The following ST13 variants were observed in gnomAD, a reference collection of about 807,000 sequenced individuals.
ST13 encodes the protein ST13 Hsp70 interacting protein, also known as hsc70-interacting protein.
Under a neutral mutation model 56.7 loss-of-function variants are expected in ST13, and 23 were observed. The observed-to-expected ratio is 0.41, with a 90% CI of 0.29 to 0.57. ST13 has a LOEUF of 0.57. Ranked by LOEUF, ST13 falls within the 20% of genes least tolerant of loss-of-function variation. ST13 has a pLI of 0.36. For missense variants in ST13, 369 were observed against 459.9 expected, an observed-to-expected ratio of 0.80 and a Z score of 1.81; for synonymous variants, 132 against 142.4, an observed-to-expected ratio of 0.93 and a Z score of 0.52.
intron 3 of ST13, 25 bp downstream of exon 3, chr22:40,848,269 T>C (rs376771286): frequency 1.5e-5 from 23 of 1,573,604 alleles, no homozygotes; most frequent in Non-Finnish European, 2.0e-5. Context: ...GGTTTTCAAA[T>C]ACAAACTAAC....
At chr22:40,829,762 T>G in intron 9 of ST13, 88 bp from the exon 10 acceptor site, 1 of 642,782 alleles carries the variant, frequency 1.6e-6, no homozygotes. Context: ...ATGAAAAAAT[T>G]GTAAAATAAC....
intron 8 of ST13, among the ~76,000 whole-genome samples, chr22:40,831,512 A>T (rs564524059): frequency 6.6e-6 from 1 of 152,354 alleles, no homozygotes; most frequent in Admixed American, 6.5e-5. Flanking sequence ...AATGCTCTGG[A>T]TGTTATTTCC....
At chr22:40,835,988 A>T in intron 5 of ST13, 101 bp from the exon 6 acceptor site, 3 of 933,572 alleles carry the variant, frequency 3.2e-6, no homozygotes, top group Non-Finnish European at 4.7e-6. Context: ...TTTTTCTTTT[A>T]ATCAAGTAAA....
intron 5 of ST13, among the ~76,000 whole-genome samples, chr22:40,836,867 C>G: frequency 6.6e-6 from 1 of 152,182 alleles, no homozygotes; most frequent in Non-Finnish European, 1.5e-5. Context: ...CAGGGTCTAA[C>G]TCTCACATAG....
chr22:40,840,811 C>A, intron 4 of ST13, 119 bp from the exon 5 acceptor site: 2 of 739,356 alleles, frequency 2.7e-6, no homozygotes, highest in Non-Finnish European at 4.5e-6. Flanking sequence ...CTTCTGTAGT[C>A]TCCAGAGAAC....
At chr22:40,856,170 G>C (rs750388864) in intron 1 of ST13, among the ~76,000 whole-genome samples, 2 of 152,168 alleles carry the variant, frequency 1.3e-5, no homozygotes, top group Non-Finnish European at 2.9e-5. Context: ...CGCATCCGCA[G>C]TCCTGTTTTT....
rs2057759495 is a variant in ST13 at position 40,832,686 on chromosome 22, C to T, written c.579-15G>A. 4 of 1,582,162 alleles carry T rather than the reference C, an allele frequency of 2.5e-6. No individual in the cohort carries two copies. The highest frequency in any genetic ancestry group is 3.4e-6 in the Non-Finnish European group (4 of 1,164,074). On this transcript the variant is annotated splice_polypyrimidine_tract_variant and intron_variant, in intron 7 of 11. Transcript: ENST00000216218. ...GGCCTAGAAGTCTGAAACAGATTTA[C>T]ACTCATTTTAGGAGCCTTTTATACA...
intron 3 of ST13, among the ~76,000 whole-genome samples, chr22:40,847,548 CAAAAAAAGAAAA>C (rs1356749945): frequency 3.8e-3 from 290 of 75,760 alleles, no homozygotes; most frequent in African/African-American, 0.014. Flanking sequence ...GACTCCGTCT[CAAAAAAAGAAAA>C]AAAAAAAAAA....
intron 3 of ST13, among the ~76,000 whole-genome samples, chr22:40,847,860 A>G (rs1056532973): frequency 1.1e-4 from 17 of 152,218 alleles, no homozygotes; most frequent in African/African-American, 3.6e-4. Context: ...CAGCCTTGCC[A>G]ACATGGTGAA....
intron 1 of ST13, among the ~76,000 whole-genome samples, chr22:40,855,320 G>T (rs1229640573): frequency 6.6e-6 from 1 of 152,248 alleles, no homozygotes; most frequent in East Asian, 1.9e-4. Flanking sequence ...ATGGTGGCTC[G>T]ATCCCGCACT....
At chr22:40,852,904 G>C (rs998786926) in intron 1 of ST13, among the ~76,000 whole-genome samples, 1 of 152,120 alleles carries the variant, frequency 6.6e-6, no homozygotes, top group Non-Finnish European at 1.5e-5. Flanking sequence ...GCAGCGTCAG[G>C]AATGTATTTA....
chr22:40,829,559 TTAAG>T (rs1168201538), intron 10 of ST13, 63 bp downstream of exon 10: 33 of 716,418 alleles, frequency 4.6e-5, no homozygotes, highest in Non-Finnish European at 6.6e-5. Context: ...ATAATAAATA[TTAAG>T]TATTATATTA....
At chr22:40,841,893 G>T (rs2057806495) in intron 4 of ST13, among the ~76,000 whole-genome samples, 1 of 152,098 alleles carries the variant, frequency 6.6e-6, no homozygotes, top group Admixed American at 6.5e-5. Flanking sequence ...ACTCCTGGCT[G>T]CAATTTTATT....
chr22:40,843,353 C>CA, intron 4 of ST13, among the ~76,000 whole-genome samples: 1 of 152,058 alleles, frequency 6.6e-6, no homozygotes, highest in East Asian at 1.9e-4. Flanking sequence ...CTTGGAAAAA[C>CA]AAAAAGCCAA....
intron 5 of ST13, among the ~76,000 whole-genome samples, chr22:40,837,514 C>T (rs1030628209): frequency 6.6e-6 from 1 of 152,104 alleles, no homozygotes; most frequent in South Asian, 2.1e-4. Context: ...CATATGGTGG[C>T]GCATGCCTGT....
intron 2 of ST13, among the ~76,000 whole-genome samples, chr22:40,849,479 C>CA (rs57060131): frequency 0.08 from 4,046 of 50,300 alleles, 117 homozygotes; most frequent in Non-Finnish European, 0.11. Flanking sequence ...GACTCTGTCT[C>CA]AAAAAAAAAA....
rs115996729 is a variant in ST13, at chr22:40,850,778, T to G, written c.168+45A>C. 8.8e-4 allele frequency: 1,272 copies of G among 1,448,418 alleles called. 9 individuals are homozygous for G. In the African/African-American group the frequency reaches 0.015, roughly 17 times the overall value. 89.7% of individuals were successfully genotyped at this position (1,448,418 alleles called of 1,614,324 possible). On this transcript the variant is annotated intron_variant, in intron 2 of 11. Coordinates refer to ENST00000216218, the MANE Select transcript of ST13 (RefSeq NM_003932.5). The stretch of plus-strand genomic sequence containing the variant: ...GTTTAAAAACAACCCCTAAGAAATC[T>G]TATAGTACTTTATCACAAAACATAC...
At chr22:40,833,882 C>CAA (rs1860695077) in intron 7 of ST13, among the ~76,000 whole-genome samples, 1 of 151,950 alleles carries the variant, frequency 6.6e-6, no homozygotes, top group Non-Finnish European at 1.5e-5. Flanking sequence ...CAAAACAAAA[C>CAA]AAAACACTGT....
intron 3 of ST13, among the ~76,000 whole-genome samples, chr22:40,846,465 C>T (rs533068383): frequency 7.9e-5 from 12 of 152,100 alleles, no homozygotes; most frequent in African/African-American, 1.9e-4. Flanking sequence ...CCCTTTAACA[C>T]GGTAAAAAAA....
Sources: gnomAD v4.1 joint callset for allele counts (sites outside exome capture counted in the v4.1 genomes callset) on GRCh38, gnomAD v4.1.1 for gene constraint, MANE v1.5 for transcripts, NCBI Gene and HGNC (gene_info 2026-07-23, HGNC 2026-07-21) for gene names.